The following PAICS variants were observed in gnomAD, a reference collection of about 807,000 sequenced individuals.
The protein encoded by PAICS is bifunctional phosphoribosylaminoimidazole carboxylase/phosphoribosylaminoimidazole succinocarboxamide synthetase.
In PAICS, 33 loss-of-function variants were observed where a neutral mutation model predicts 53.7. That is an observed-to-expected ratio of 0.61 (90% CI 0.47 to 0.82). PAICS has a LOEUF of 0.82. Ranked by LOEUF, PAICS falls within the 40% of genes least tolerant of loss-of-function variation. The pLI is 0.00. For missense variants in PAICS, 394 were observed against 494.1 expected (o/e 0.80, Z 1.92); for synonymous variants, 141 against 167.2 (o/e 0.84, Z 1.21).
Position 56,446,817 on chromosome 4 carries a change from C to A in PAICS, c.337C>A (p.Pro113Thr), listed in dbSNP as rs1245515166. ...IATGSFLKRN[P>T]GVKEGYKFYP... ...AACTGGTTCTTTTCTCAAAAGAAAT[C>A]CTGGTGTCAAGGAAGGATATAAGTT... Residue 113 changes from proline to threonine, a missense_variant, in exon 3 of 9, where the codon CCT becomes ACT. By Grantham distance (38) the Pro-to-Thr change is conservative. This residue lies in a region of PAICS where 168 missense variants were observed against 199.3 expected (regional missense o/e 0.84). Coordinates refer to ENST00000512576, the MANE Select transcript of PAICS (RefSeq NM_001079524.2). 3 of 1,609,980 alleles carry A rather than the reference C, an allele frequency of 1.9e-6. No individual in the cohort carries two copies. The highest frequency in any genetic ancestry group is 2.7e-5 in the African/African-American group (2 of 74,738).
chr4:56,441,896 CTCTGG>C, intron 2 of PAICS, 36 bp downstream of exon 2: 1 of 1,377,528 alleles, frequency 7.3e-7, no homozygotes, highest in Non-Finnish European at 1.0e-6. Flanking sequence ...CTCTCACCTT[CTCTGG>C]TAAGCATGTC....
At chr4:56,452,251 T>C (rs891599750) in intron 7 of PAICS, among the ~76,000 whole-genome samples, 199 bp downstream of exon 7, 16 of 152,142 alleles carry the variant, frequency 1.1e-4, no homozygotes, top group African/African-American at 3.4e-4. Flanking sequence ...CCATCTCAGC[T>C]CACTGCAAGC....
intron 7 of PAICS, among the ~76,000 whole-genome samples, chr4:56,452,536 A>G (rs1354216858): frequency 2.0e-5 from 3 of 152,208 alleles, no homozygotes; most frequent in Non-Finnish European, 4.4e-5. Flanking sequence ...TTAGAAAAGA[A>G]AGGAGCAGGG....
chr4:56,452,106 A>G, intron 7 of PAICS, 54 bp downstream of exon 7: 2 of 1,172,918 alleles, frequency 1.7e-6, no homozygotes, highest in Non-Finnish European at 2.4e-6. Flanking sequence ...GCTAAAAGTA[A>G]TTACACACTT....
chr4:56,418,992 C>T, the PAICS span, among the ~76,000 whole-genome samples: 1 of 152,314 alleles, frequency 6.6e-6, no homozygotes, highest in East Asian at 1.9e-4. Context: ...GTAATTTTCG[C>T]AAGGCGTAAG....
chr4:56,448,815 G>A lies in PAICS; in HGVS notation c.679G>A (p.Asp227Asn), dbSNP rs766254021. Residue 227 changes from aspartate to asparagine, a missense_variant, in exon 5 of 9, where the codon GAC becomes AAC. Physicochemically the swap from Asp to Asn is conservative, Grantham distance 23. Coordinates refer to ENST00000512576, the MANE Select transcript of PAICS (RefSeq NM_001079524.2). ...ATCAGGAGATCGAAGCCAACAGAAAGACAAACAGGTAGATAATGCTTCAGG... is the reference window on the plus strand; with the variant it reads ...ATCAGGAGATCGAAGCCAACAGAAAAACAAACAGGTAGATAATGCTTCAGG... ...WPSGDRSQQK[D>N]KQSYRDLKEV... The A allele has an allele frequency of 6.6e-7, 1 of 1,525,652 alleles. No homozygotes were observed. Among genetic ancestry groups the A allele is most frequent in the South Asian group, 1.2e-5 (1 of 85,810 alleles). 94.5% of individuals were successfully genotyped at this position (1,525,652 alleles called of 1,614,324 possible).
intron 4 of PAICS, 48 bp from the exon 5 acceptor site, chr4:56,448,662 G>C: frequency 2.0e-6 from 3 of 1,513,788 alleles, no homozygotes; most frequent in Non-Finnish European, 2.7e-6. Context: ...GTTGAGAGAT[G>C]CTTTCATAAA....
intron 8 of PAICS, among the ~76,000 whole-genome samples, chr4:56,454,174 G>T (rs899065323): frequency 1.3e-5 from 2 of 152,180 alleles, no homozygotes; most frequent in East Asian, 3.8e-4. Flanking sequence ...ATTAGAAAAG[G>T]TTTAGGGGAT....
At chr4:56,436,393 C>G in intron 1 of PAICS, 65 bp downstream of exon 1, 1 of 1,253,514 alleles carries the variant, frequency 8.0e-7, no homozygotes, top group Non-Finnish European at 1.1e-6. Flanking sequence ...CTCGCGGCCA[C>G]GTGCGAGCCG....
upstream of PAICS, among the ~76,000 whole-genome samples, chr4:56,433,650 C>CTA (rs942784973): frequency 1.2e-4 from 18 of 152,068 alleles, no homozygotes; most frequent in African/African-American, 4.3e-4. Context: ...ACCCTAAAGA[C>CTA]CTCTAGATTC....
At chr4:56,414,990 T>A in the PAICS span, among the ~76,000 whole-genome samples, 1 of 152,252 alleles carries the variant, frequency 6.6e-6, no homozygotes, top group Non-Finnish European at 1.5e-5. Flanking sequence ...GATGTGCTTT[T>A]GTACTTATGT....
chr4:56,421,415 T>C, the PAICS span: 1 of 152,476 alleles, frequency 6.6e-6, no homozygotes, highest in Admixed American at 6.5e-5. Context: ...CCCAAAACCA[T>C]GGCCCCCTCA....
intron 1 of PAICS, among the ~76,000 whole-genome samples, chr4:56,440,055 G>A (rs1282577678): frequency 6.6e-6 from 1 of 152,160 alleles, no homozygotes; most frequent in African/African-American, 2.4e-5. Flanking sequence ...ATAGCGTTTT[G>A]CTTTAGCACT....
intron 1 of PAICS, among the ~76,000 whole-genome samples, chr4:56,440,080 CTCT>C (rs1718260469): frequency 6.6e-6 from 1 of 152,198 alleles, no homozygotes; most frequent in Non-Finnish European, 1.5e-5. Context: ...AGCCTTATAG[CTCT>C]TCTTGGGTTA....
Position 56,452,026 on chromosome 4 carries a change from C to T in PAICS, c.926C>T (p.Thr309Ile). The change falls in exon 7 of 9, where the codon ACT becomes ATT. Residue 309 changes from threonine (T) to isoleucine (I), a missense_variant. Thr to Ile is a moderately conservative substitution (Grantham distance 89, BLOSUM62 -1). Around this residue, in one of 3 missense-constraint regions of PAICS, gnomAD observed 131 missense variants for 205.5 expected, o/e 0.64. Coordinates refer to ENST00000512576, the MANE Select transcript of PAICS (RefSeq NM_001079524.2). ...VTSAHKGPDE[T>I]LRIKAEYEGD... is the part of the protein sequence containing the mutation. ...TCTGCGCATAAAGGACCAGATGAAA[C>T]TCTGAGGATTAAAGCTGAGTATGAA... 1 of 1,607,340 alleles carries T rather than the reference C, an allele frequency of 6.2e-7. No homozygotes were observed. The highest frequency in any genetic ancestry group is 1.1e-5 in the South Asian group (1 of 89,624).
intron 1 of PAICS, among the ~76,000 whole-genome samples, chr4:56,439,456 T>G (rs377640783): frequency 1.7e-4 from 26 of 152,164 alleles, no homozygotes; most frequent in African/African-American, 6.0e-4. Flanking sequence ...AGCCTGGTCT[T>G]GAACTCCTAA....
At chr4:56,437,006 A>G (rs778662692) in intron 1 of PAICS, among the ~76,000 whole-genome samples, 1 of 152,168 alleles carries the variant, frequency 6.6e-6, no homozygotes. Context: ...CAAAAAAGAA[A>G]AAGAAAAACC....
the PAICS span, among the ~76,000 whole-genome samples, chr4:56,413,524 G>A: frequency 3.4e-4 from 52 of 152,248 alleles, no homozygotes; most frequent in African/African-American, 9.6e-4. Flanking sequence ...CCATGATAGC[G>A]TCCCTTCTGT....
intron 1 of PAICS, among the ~76,000 whole-genome samples, chr4:56,438,641 G>A (rs1718177623): frequency 6.6e-6 from 1 of 151,704 alleles, no homozygotes; most frequent in African/African-American, 2.4e-5. Flanking sequence ...GTTTTGCCAT[G>A]TTGGCCAAGC....
Sources: allele counts gnomAD v4.1 joint callset (sites outside exome capture counted in the v4.1 genomes callset), GRCh38; gene constraint gnomAD v4.1.1; regional missense constraint gnomAD v4.1.1; transcripts MANE v1.5; gene names NCBI Gene and HGNC (gene_info 2026-07-23, HGNC 2026-07-21).